The following MBIP variants were observed in gnomAD, a reference collection of about 807,000 sequenced individuals.
The protein encoded by MBIP is MAP3K12 binding inhibitory protein 1, also known as MAP3K12-binding inhibitory protein 1.
Under a neutral mutation model 45.7 loss-of-function variants are expected in MBIP, and 32 were observed. The observed-to-expected ratio is 0.70, with a 90% confidence interval of 0.53 to 0.94. The LOEUF is 0.94. MBIP is among the 40% of genes least tolerant of loss of function. The probability of loss-of-function intolerance (pLI) is 0.00; values close to 1 mark genes in which losing one functional copy is unlikely to be tolerated. For missense variants in MBIP, 381 were observed against 405.5 expected (o/e 0.94, Z 0.52); for synonymous variants, 145 against 141.0 (o/e 1.03, Z -0.20).
chr14:36,302,949 G>A (rs1879658850), intron 7 of MBIP, among the ~76,000 whole-genome samples: 1 of 152,210 alleles, frequency 6.6e-6, no homozygotes, highest in South Asian at 2.1e-4. Context: ...ATGCTCTCTT[G>A]TGATGCTGGG....
rs774964239 is a variant in MBIP at position 36,300,812 on chromosome 14, T to C, written c.900A>G (p.Gly300=). ...GAGGTGGTTGAACTTTTCTTCTTTT[T>C]CCAGAAAAGCTCTAGATTAAAAAAA... ...PEYFQSVSFS[G]KRRKVQPPQQ... The change falls in exon 8 of 9, where the codon GGA becomes GGG. Residue 300 remains glycine (G), a synonymous_variant. Transcript: ENST00000416007. 3.2e-6 allele frequency: 5 copies of C among 1,547,638 alleles called. No individual in the cohort carries two copies. In the South Asian group the frequency reaches 6.1e-5, roughly 19 times the overall value.
chr14:36,305,967 T>C (rs1405467455), intron 7 of MBIP, among the ~76,000 whole-genome samples: 2 of 152,226 alleles, frequency 1.3e-5, no homozygotes, highest in African/African-American at 4.8e-5. Flanking sequence ...AGCATAATAC[T>C]ATCTCCTTAT....
At chr14:36,316,947 A>C (rs2139236618) in intron 1 of MBIP, 135 bp from the exon 2 acceptor site, 2 of 819,544 alleles carry the variant, frequency 2.4e-6, no homozygotes, top group South Asian at 4.3e-5. Flanking sequence ...TAATACACTG[A>C]AATGCTCTAC....
chr14:36,306,675 C>T (rs547318819), intron 7 of MBIP, among the ~76,000 whole-genome samples: 4 of 152,212 alleles, frequency 2.6e-5, no homozygotes, highest in African/African-American at 7.2e-5. Context: ...ATTGTAAGAT[C>T]GGTTCTATCG....
At chr14:36,314,289 T>G (rs1260636713) in intron 4 of MBIP, 3 of 443,430 alleles carry the variant, frequency 6.8e-6, no homozygotes, top group Non-Finnish European at 7.9e-6. Flanking sequence ...GATAAACACT[T>G]TTTAATGTTA....
intron 2 of MBIP, among the ~76,000 whole-genome samples, chr14:36,315,781 G>T (rs1317129284): frequency 6.6e-6 from 1 of 152,026 alleles, no homozygotes; most frequent in Non-Finnish European, 1.5e-5. Flanking sequence ...TCAATGAATG[G>T]AGGGCTGAAA....
At chr14:36,317,566 T>C (rs1880648036) in intron 1 of MBIP, among the ~76,000 whole-genome samples, 1 of 152,074 alleles carries the variant, frequency 6.6e-6, no homozygotes, top group Non-Finnish European at 1.5e-5. Context: ...TTTCTATCAG[T>C]TGGTGATCTA....
At chr14:36,301,104 C>T (rs937027710) in intron 7 of MBIP, 1 of 227,436 alleles carries the variant, frequency 4.4e-6, no homozygotes, top group Non-Finnish European at 8.5e-6. Context: ...TGCTAATGAG[C>T]CTGAGTGATT....
chr14:36,318,298 T>C (rs1880695195), intron 1 of MBIP, among the ~76,000 whole-genome samples: 1 of 151,994 alleles, frequency 6.6e-6, no homozygotes, highest in South Asian at 2.1e-4. Context: ...GAAAAATAAG[T>C]CTTAATGTTT....
At chr14:36,312,069 T>A in intron 4 of MBIP, 45 bp from the exon 5 acceptor site, 1 of 1,062,840 alleles carries the variant, frequency 9.4e-7, no homozygotes, top group Admixed American at 2.5e-5. Flanking sequence ...TATTCTTCCC[T>A]TCAAATGTAT....
chr14:36,311,188 G>A (rs1162586525), intron 6 of MBIP, among the ~76,000 whole-genome samples: 1 of 152,184 alleles, frequency 6.6e-6, no homozygotes, highest in African/African-American at 2.4e-5. Flanking sequence ...GGGTGCAGTA[G>A]TGACACATGA....
intron 1 of MBIP, 128 bp from the exon 2 acceptor site, chr14:36,316,940 T>C (rs1384643910): frequency 2.3e-6 from 2 of 860,684 alleles, no homozygotes; most frequent in Non-Finnish European, 3.5e-6. Context: ...TTTTTAATAA[T>C]ACACTGAAAT....
At chr14:36,308,961 C>T (rs1008026699) in intron 6 of MBIP, among the ~76,000 whole-genome samples, 1 of 152,188 alleles carries the variant, frequency 6.6e-6, no homozygotes, top group African/African-American at 2.4e-5. Flanking sequence ...AGGTTAAATA[C>T]CTTCCAATAC....
At chr14:36,311,867 A>G (rs769622530) in intron 5 of MBIP, 92 bp downstream of exon 5, 321 of 1,266,540 alleles carry the variant, frequency 2.5e-4, no homozygotes, top group Non-Finnish European at 3.3e-4. Flanking sequence ...TTGTTTTAAA[A>G]TAAAATTTAG....
intron 1 of MBIP, 151 bp from the exon 2 acceptor site, chr14:36,316,963 T>A (rs1880612440): frequency 5.7e-6 from 4 of 707,590 alleles, no homozygotes; most frequent in Non-Finnish European, 8.7e-6. Flanking sequence ...TCTACCCAGT[T>A]ACCATTTCAA....
chr14:36,317,232 T>C (rs1880626685), intron 1 of MBIP, among the ~76,000 whole-genome samples: 1 of 152,188 alleles, frequency 6.6e-6, no homozygotes, highest in Non-Finnish European at 1.5e-5. Flanking sequence ...TTGTGAAAGT[T>C]TTAACATGCA....
In MBIP at chr14:36,319,701, C is replaced by T. The variant is rs967795237; in HGVS notation, c.129+759G>A. 7.7e-5 allele frequency: 17 copies of T among 221,296 alleles called. No individual in the cohort carries two copies. The East Asian group carries it at 1.4e-3, about 18-fold the overall frequency. The allele number at this position is 221,296 out of a possible 1,614,324, so 13.7% of individuals were successfully genotyped here. The stretch of plus-strand genomic sequence containing the variant: ...ATAGAAAATATTTCCTTTTAAAAGG[C>T]AGGTAAACAAGCATACTTTTAAATT... On this transcript the variant is annotated intron_variant, in intron 1 of 8. Coordinates refer to ENST00000416007, the MANE Select transcript of MBIP (RefSeq NM_016586.3).
At position 36,298,639 on chromosome 14, in the gene MBIP, A is replaced by G. The variant is rs976845082; in HGVS notation, c.*444T>C. On this transcript the variant is annotated 3_prime_UTR_variant, in exon 9 of 9. Transcript: ENST00000416007. ...AAGAAAAACAAGTTCATACACATGC[A>G]TTTAAAATTCATTTCAGTCAATAAA... 1 of 154,350 alleles carries G rather than the reference A, an allele frequency of 6.5e-6. No individual in the cohort carries two copies. The highest frequency in any genetic ancestry group is 1.9e-4 in the East Asian group (1 of 5,240). The allele number at this position is 154,350 out of a possible 1,614,324, so 9.6% of individuals were successfully genotyped here. A position where few individuals can be genotyped will look rare whatever the true frequency, so the allele number is the denominator to read the frequency against.
intron 7 of MBIP, among the ~76,000 whole-genome samples, chr14:36,306,224 CT>C (rs370890646): frequency 9.5e-5 from 14 of 147,660 alleles, no homozygotes; most frequent in African/African-American, 7.4e-5. Flanking sequence ...ATGTGGAGGG[CT>C]TTTTTTTTTG....
Sources: gnomAD v4.1 joint callset for allele counts (sites outside exome capture counted in the v4.1 genomes callset) on GRCh38, gnomAD v4.1.1 for gene constraint, MANE v1.5 for transcripts, NCBI Gene and HGNC (gene_info 2026-07-23, HGNC 2026-07-21) for gene names.